Variants in PRC1 observed in about 807,000 individuals in gnomAD.
PRC1 encodes the protein protein regulator of cytokinesis 1, also known as anaphase spindle elongation 1 homolog.
A neutral mutation model predicts 91.2 loss-of-function variants in PRC1; 54 were observed. The observed-to-expected ratio is 0.59, with a 90% CI of 0.48 to 0.74. The LOEUF is 0.74. PRC1 is among the 30% of genes least tolerant of loss of function. PRC1 has a pLI of 0.00. For synonymous variants in PRC1, 275 were observed against 263.6 expected, an observed-to-expected ratio of 1.04 and a Z score of -0.42; for missense variants, 727 against 746.2, an observed-to-expected ratio of 0.97 and a Z score of 0.30.
intron 5 of PRC1, 146 bp downstream of exon 5, chr15:90,981,353 T>A (rs1219884798): frequency 1.1e-6 from 1 of 932,870 alleles, no homozygotes; most frequent in African/African-American, 1.7e-5. Context: ...AAATCAAGGT[T>A]GTATATCATA....
chr15:90,967,906 T>A (rs567235246), intron 14 of PRC1: 1 of 985,468 alleles, frequency 1.0e-6, no homozygotes, highest in African/African-American at 1.7e-5. Context: ...TTGAGCCCTT[T>A]ATAAAACAAT....
rs2038529159 is a variant in PRC1 at position 90,974,818 on chromosome 15, C to T, written c.1204-87G>A. The T allele has an allele frequency of 2.0e-6, 3 of 1,487,382 alleles. No individual in the cohort carries two copies. The highest frequency in any genetic ancestry group is 2.8e-6 in the Non-Finnish European group (3 of 1,077,832). The allele number at this position is 1,487,382 out of a possible 1,614,324, so 92.1% of individuals were successfully genotyped here. A position where few individuals can be genotyped will look rare whatever the true frequency, so the allele number is the denominator to read the frequency against. ...ATGATTTCCCTAGAGAGTGACTCCTCCTCCCCAGAGCATCATTAGCCTCAT... is the reference window on the plus strand; with the variant it reads ...ATGATTTCCCTAGAGAGTGACTCCTTCTCCCCAGAGCATCATTAGCCTCAT... On this transcript the variant is annotated intron_variant, in intron 9 of 14. Transcript: ENST00000394249. This position sits in a 1 kb window ranked among gnomAD's most constrained non-coding sequence, Gnocchi z 4.6.
chr15:90,994,507 C>G lies in PRC1; in HGVS notation c.-90G>C. 2.0e-6 allele frequency: 3 copies of G among 1,488,328 alleles called. No homozygotes were observed. The highest frequency in any genetic ancestry group is 2.7e-6 in the Non-Finnish European group (3 of 1,108,190). 92.2% of individuals were successfully genotyped at this position (1,488,328 alleles called of 1,614,324 possible). A position where few individuals can be genotyped will look rare whatever the true frequency, so the allele number is the denominator to read the frequency against. On this transcript the variant is annotated 5_prime_UTR_variant, in exon 1 of 15. Transcript: ENST00000394249. ...AACCACCCGCAAACACCGGCGATGTCACTCCGCGTAGCCGCTCCGCGAGCC... is the reference window on the plus strand; with the variant it reads ...AACCACCCGCAAACACCGGCGATGTGACTCCGCGTAGCCGCTCCGCGAGCC...
At position 90,972,644 on chromosome 15, in the gene PRC1, CAGG is replaced by C. The variant is rs2038258273; in HGVS notation, c.1461+1489_1461+1491del. Reference sequence around the variant, plus strand: ...ATCCCAGCTACTTGGGAGGCTGAGGCAGGAGAATTGCTTGAAACCAGGAGGCAG... The same window carrying C: ...ATCCCAGCTACTTGGGAGGCTGAGGCAGAATTGCTTGAAACCAGGAGGCAG... On this transcript the variant is annotated intron_variant, in intron 11 of 14. Coordinates refer to ENST00000394249, the MANE Select transcript of PRC1 (RefSeq NM_003981.4). 2.0e-5 allele frequency among the ~76,000 whole-genome samples: 3 copies of C among 151,590 alleles called. No homozygotes were observed. In the South Asian group the frequency reaches 6.2e-4, roughly 31 times the overall value.
chr15:90,970,561 G>T, intron 11 of PRC1, 47 bp from the exon 12 acceptor site: 2 of 1,325,996 alleles, frequency 1.5e-6, no homozygotes, highest in Non-Finnish European at 2.2e-6. Flanking sequence ...AACATCCTCA[G>T]CATTTCTAGC....
chr15:90,967,308 C>T (rs2037590387), intron 14 of PRC1, 106 bp from the exon 15 acceptor site: 3 of 881,766 alleles, frequency 3.4e-6, no homozygotes, highest in African/African-American at 3.3e-5. Flanking sequence ...AAGGTAGTTT[C>T]TCTGAGATCC....
At chr15:90,991,242 C>A (rs1310374892) in intron 1 of PRC1, among the ~76,000 whole-genome samples, 1 of 151,108 alleles carries the variant, frequency 6.6e-6, no homozygotes, top group Non-Finnish European at 1.5e-5. Context: ...ATGGTGAAAC[C>A]CCATCTCTAC....
rs15172 is a variant in PRC1 at position 90,966,212 on chromosome 15, C to A, written c.*919G>T. ...CAGTAGTACTGCTGCAGGCAGACAG[C>A]GGAAGAATAAATAATAGTGCTTCAA... is the stretch of plus-strand genomic sequence containing the variant. On this transcript the variant is annotated 3_prime_UTR_variant, in exon 15 of 15. Coordinates refer to ENST00000394249, the MANE Select transcript of PRC1 (RefSeq NM_003981.4). The A allele has an allele frequency of 0.041, 8,015 of 196,124 alleles. 611 individuals are homozygous for A. Among genetic ancestry groups the A allele is most frequent in the African/African-American group, 0.17 (7,153 of 42,914 alleles). 12.1% of individuals were successfully genotyped at this position (196,124 alleles called of 1,614,324 possible). A position where few individuals can be genotyped will look rare whatever the true frequency, so the allele number is the denominator to read the frequency against.
Position 90,984,898 on chromosome 15 carries a change from A to G in PRC1, c.12-73T>C, listed in dbSNP as rs892196115. The stretch of plus-strand genomic sequence containing the variant: ...TGGACTAAAAGCACTATTTTCGAGA[A>G]CTAAAAAGACTAGCTTCTCAGTGGC... On this transcript the variant is annotated intron_variant, in intron 1 of 14. Transcript: ENST00000394249. This position sits in a 1 kb window ranked among gnomAD's most constrained non-coding sequence, Gnocchi z 5.1. The G allele has an allele frequency of 3.2e-6, 5 of 1,554,946 alleles. No homozygotes were observed. The East Asian group carries it at 1.1e-4, about 35-fold the overall frequency.
chr15:90,982,519 T>C (rs952474109), intron 3 of PRC1: 7 of 155,096 alleles, frequency 4.5e-5, no homozygotes, highest in South Asian at 1.9e-4. Context: ...GAGGCCAAGG[T>C]GGGCAGATCA....
chr15:90,985,356 G>A (rs1014275182), intron 1 of PRC1, among the ~76,000 whole-genome samples: 8 of 150,708 alleles, frequency 5.3e-5, no homozygotes, highest in African/African-American at 1.7e-4. Context: ...TCAGCCTCCC[G>A]AGTAGGTGGG....
At chr15:90,979,052 A>T in intron 8 of PRC1, 106 bp downstream of exon 8, 1 of 1,324,992 alleles carries the variant, frequency 7.5e-7, no homozygotes, top group Non-Finnish European at 1.0e-6. Context: ...AGACTTAATG[A>T]TAAAGATGGG....
At chr15:90,993,070 C>CCA (rs1491569485) in intron 1 of PRC1, among the ~76,000 whole-genome samples, 4 of 30,942 alleles carry the variant, frequency 1.3e-4, no homozygotes, top group Admixed American at 5.0e-4. Flanking sequence ...GACCCCGTCT[C>CCA]AAAAAAAAAA....
In PRC1 at chr15:90,967,038, A is replaced by G; in HGVS notation, c.*93T>C. 1 of 1,126,274 alleles carries G rather than the reference A, an allele frequency of 8.9e-7. No homozygotes were observed. The highest frequency in any genetic ancestry group is 1.3e-6 in the Non-Finnish European group (1 of 753,602). 69.8% of individuals were successfully genotyped at this position (1,126,274 alleles called of 1,614,324 possible). On this transcript the variant is annotated 3_prime_UTR_variant, in exon 15 of 15. Transcript: ENST00000394249. The stretch of plus-strand genomic sequence containing the variant: ...ATGGAACCTGGCCAAGGTTTCAAGC[A>G]CGCCTAAGCTGAAGAAAAACTAAAG...
Position 90,974,086 on chromosome 15 carries a change from A to T in PRC1, c.1461+50T>A. 1 of 1,524,644 alleles carries T rather than the reference A, an allele frequency of 6.6e-7. No homozygotes were observed. Among genetic ancestry groups the T allele is most frequent in the Non-Finnish European group, 9.1e-7 (1 of 1,099,764 alleles). 94.4% of individuals were successfully genotyped at this position (1,524,644 alleles called of 1,614,324 possible). On this transcript the variant is annotated intron_variant, in intron 11 of 14. Coordinates refer to ENST00000394249, the MANE Select transcript of PRC1 (RefSeq NM_003981.4). This position sits in a 1 kb window ranked among gnomAD's most constrained non-coding sequence, Gnocchi z 4.6. ...CCCCTTCAAAGAGGTGGCTGGGACT[A>T]CCCTCACCCACTCCCTTGAAATCAG... is the stretch of plus-strand genomic sequence containing the variant.
intron 9 of PRC1, among the ~76,000 whole-genome samples, chr15:90,976,151 C>T (rs899258833): frequency 3.9e-5 from 6 of 152,234 alleles, no homozygotes; most frequent in South Asian, 2.1e-4. Flanking sequence ...TGCAGTGGCG[C>T]GGTCTTGGCT....
At chr15:90,968,772 A>G (rs868609377) in intron 14 of PRC1, 25 of 1,193,538 alleles carry the variant, frequency 2.1e-5, no homozygotes, top group Middle Eastern at 3.7e-4. Context: ...GGGGGCCTCT[A>G]TTCTTTCCAG....
intron 1 of PRC1, among the ~76,000 whole-genome samples, chr15:90,990,191 C>G (rs1486025789): frequency 6.6e-6 from 1 of 151,714 alleles, no homozygotes; most frequent in Non-Finnish European, 1.5e-5. Flanking sequence ...CAAAAATTAG[C>G]TGGGTGTGGT....
At chr15:90,980,863 A>G (rs1472015850) in intron 6 of PRC1, 21 bp downstream of exon 6, 1 of 1,614,166 alleles carries the variant, frequency 6.2e-7, no homozygotes, top group South Asian at 1.1e-5. Flanking sequence ...CTGCTGACCC[A>G]GTACCCACTG....
Sources: allele counts gnomAD v4.1 joint callset (sites outside exome capture counted in the v4.1 genomes callset), GRCh38; gene constraint gnomAD v4.1.1; non-coding constraint Gnocchi (gnomAD v3.1); transcripts MANE v1.5; gene names NCBI Gene and HGNC (gene_info 2026-07-23, HGNC 2026-07-21).